SETBP1: variants seen among roughly 807,000 people sequenced by gnomAD.
The protein encoded by SETBP1 is SET binding protein 1, also known as SET-binding protein.
In SETBP1, 9 loss-of-function variants were observed where a neutral mutation model predicts 101.0. The observed-to-expected ratio is 0.09, with a 90% CI of 0.05 to 0.16. The LOEUF (loss-of-function observed/expected upper bound fraction) is 0.16. Ranked by LOEUF, SETBP1 falls within the 10% of genes least tolerant of loss-of-function variation. The pLI is 1.00. For synonymous variants in SETBP1, 818 were observed against 788.5 expected (o/e 1.04, Z -0.63); for missense variants, 1,858 against 2,033.8 (o/e 0.91, Z 1.66).
chr18:44,977,263 C>A (rs77283244), intron 4 of SETBP1, among the ~76,000 whole-genome samples: 22 of 151,992 alleles, frequency 1.4e-4, no homozygotes, highest in Non-Finnish European at 2.4e-4. Flanking sequence ...AAAAGAAATG[C>A]GGAAGGTATG....
chr18:44,832,215 A>G (rs16978188), intron 2 of SETBP1, among the ~76,000 whole-genome samples: 6,050 of 152,290 alleles, frequency 0.04, 409 homozygotes, highest in African/African-American at 0.14. Flanking sequence ...AAAAAGGTGT[A>G]GGCTTCCAGC....
chr18:44,713,650 C>T (rs562137656), intron 2 of SETBP1, among the ~76,000 whole-genome samples: 1 of 152,286 alleles, frequency 6.6e-6, no homozygotes, highest in East Asian at 1.9e-4. Flanking sequence ...TAACATGACC[C>T]CAAGCTGTAC....
intron 2 of SETBP1, among the ~76,000 whole-genome samples, chr18:44,827,000 T>C (rs1447730498): frequency 6.6e-6 from 1 of 152,212 alleles, no homozygotes; most frequent in Non-Finnish European, 1.5e-5. Context: ...AAGAATGCCA[T>C]GGGAGAGCTT....
chr18:44,774,343 G>C (rs765181925), intron 2 of SETBP1, among the ~76,000 whole-genome samples: 14 of 151,670 alleles, frequency 9.2e-5, no homozygotes, highest in Non-Finnish European at 1.8e-4. Flanking sequence ...CTTCAGGAGA[G>C]AGTATATGTG....
At chr18:44,829,080 G>C (rs752666631) in intron 2 of SETBP1, among the ~76,000 whole-genome samples, 73 of 152,310 alleles carry the variant, frequency 4.8e-4, no homozygotes, top group Non-Finnish European at 8.5e-4. Flanking sequence ...GTGAAAAACA[G>C]TGAAAGTTTC....
rs930433320 is a variant in SETBP1, at chr18:44,960,540, C to T, written c.4000+7200C>T. On this transcript the variant is annotated intron_variant, in intron 4 of 5. Transcript: ENST00000649279. ...TTTTAATTTTGTAGAGACAGGGTCT[C>T]GCTCTGTTCCCCAGACTGGTCTTGA... 3.3e-5 allele frequency among the ~76,000 whole-genome samples: 5 copies of T among 152,028 alleles called. No homozygotes were observed. In the East Asian group the frequency reaches 5.8e-4, roughly 18 times the overall value.
intron 5 of SETBP1, among the ~76,000 whole-genome samples, chr18:45,055,708 A>AT (rs1466404096): frequency 2.0e-5 from 3 of 152,052 alleles, no homozygotes; most frequent in South Asian, 2.1e-4. Context: ...AATCAGTACT[A>AT]TTTTTTTCCA....
chr18:44,694,967 G>A (rs2068991392), intron 1 of SETBP1, among the ~76,000 whole-genome samples: 1 of 152,162 alleles, frequency 6.6e-6, no homozygotes, highest in South Asian at 2.1e-4. Flanking sequence ...ATCAGAATCA[G>A]CTGAAAAGTG....
chr18:44,809,363 A>T (rs1046520803), intron 2 of SETBP1, among the ~76,000 whole-genome samples: 2 of 152,254 alleles, frequency 1.3e-5, no homozygotes, highest in Admixed American at 6.5e-5. Flanking sequence ...AGAAAAAAAG[A>T]AATTCAAAAC....
At chr18:44,852,259 C>G (rs2144591390) in intron 2 of SETBP1, among the ~76,000 whole-genome samples, 1 of 152,318 alleles carries the variant, frequency 6.6e-6, no homozygotes, top group South Asian at 2.1e-4. Flanking sequence ...ACAGAGGAAA[C>G]TAAGGCAACT....
intron 2 of SETBP1, among the ~76,000 whole-genome samples, chr18:44,739,554 A>G (rs1757939885): frequency 1.3e-5 from 2 of 152,234 alleles, no homozygotes; most frequent in Admixed American, 6.5e-5. Context: ...TATATTTGTA[A>G]AAGAGTCTGA....
At chr18:44,687,315 A>T (rs984178955) in intron 1 of SETBP1, among the ~76,000 whole-genome samples, 1 of 152,188 alleles carries the variant, frequency 6.6e-6, no homozygotes, top group Non-Finnish European at 1.5e-5. Context: ...TAGGAATGTT[A>T]AGGATTTCTT....
intron 2 of SETBP1, among the ~76,000 whole-genome samples, chr18:44,838,729 C>G (rs1315873769): frequency 6.6e-6 from 1 of 152,216 alleles, no homozygotes; most frequent in African/African-American, 2.4e-5. Context: ...CTTCTCAGCT[C>G]TTTCTTGAAT....
chr18:44,680,668 T>C (rs1173464367), upstream of SETBP1, among the ~76,000 whole-genome samples: 1 of 151,548 alleles, frequency 6.6e-6, no homozygotes, highest in Admixed American at 6.6e-5. Context: ...GAGTGGCTCG[T>C]TGGTGGCGGC....
At chr18:44,989,165 C>T (rs557891745) in intron 4 of SETBP1, 2 of 151,940 alleles carry the variant, frequency 1.3e-5, no homozygotes, top group Admixed American at 6.6e-5. Flanking sequence ...AATATGAATC[C>T]CCTCAACTAC....
intron 4 of SETBP1, among the ~76,000 whole-genome samples, chr18:44,999,676 C>A (rs1379634186): frequency 6.6e-6 from 1 of 152,186 alleles, no homozygotes; most frequent in Non-Finnish European, 1.5e-5. Flanking sequence ...TAATAGATAT[C>A]ATGTTGTCTG....
chr18:44,812,836 G>A (rs1271189690), intron 2 of SETBP1, among the ~76,000 whole-genome samples: 1 of 152,224 alleles, frequency 6.6e-6, no homozygotes, highest in Non-Finnish European at 1.5e-5. Context: ...GCTAAAATGT[G>A]AGAAAATGCT....
chr18:44,831,113 G>C (rs2144455821), intron 2 of SETBP1, among the ~76,000 whole-genome samples: 1 of 152,318 alleles, frequency 6.6e-6, no homozygotes, highest in East Asian at 1.9e-4. Flanking sequence ...AAGCACAGTT[G>C]TAAACTTTGT....
chr18:44,780,931 A>T (rs1222857617), intron 2 of SETBP1, among the ~76,000 whole-genome samples: 1 of 152,172 alleles, frequency 6.6e-6, no homozygotes, highest in Admixed American at 6.5e-5. Context: ...AGTGATGAGA[A>T]ATCTGGCTGG....
Sources: gnomAD v4.1 joint callset for allele counts (sites outside exome capture counted in the v4.1 genomes callset) on GRCh38, gnomAD v4.1.1 for gene constraint, MANE v1.5 for transcripts, NCBI Gene and HGNC (gene_info 2026-07-23, HGNC 2026-07-21) for gene names.